Variants in NEDD1 observed in about 807,000 individuals in gnomAD.
NEDD1 encodes the protein protein NEDD1.
NEDD1 carries 33 observed loss-of-function variants against 74.0 expected under a neutral mutation model. The ratio of observed to expected loss-of-function variants is 0.45; its 90% CI spans 0.34 to 0.60. The LOEUF is 0.60. Ranked by LOEUF, NEDD1 falls within the 20% of genes least tolerant of loss-of-function variation. The pLI, the probability that NEDD1 is intolerant of heterozygous loss-of-function variation, is 0.01. For missense variants in NEDD1, 746 were observed against 776.5 expected, an observed-to-expected ratio of 0.96 and a Z score of 0.47; for synonymous variants, 250 against 264.4, an observed-to-expected ratio of 0.95 and a Z score of 0.53.
chr12:96,938,820 TTCTCTC>T (rs917668425), intron 9 of NEDD1, among the ~76,000 whole-genome samples: 1 of 112,062 alleles, frequency 8.9e-6, no homozygotes, highest in Admixed American at 8.8e-5. Flanking sequence ...CTGTCTCTCA[TTCTCTC>T]TCTCTCTCTC....
At position 96,907,272 on chromosome 12, in the gene NEDD1, G is replaced by A. The variant is rs1042826764; in HGVS notation, c.-290G>A. The A allele has an allele frequency of 2.0e-5, 5 of 246,776 alleles. No individual in the cohort carries two copies. The highest frequency in any genetic ancestry group is 1.3e-4 in the South Asian group (1 of 7,810). The allele number at this position is 246,776 out of a possible 1,614,324, so 15.3% of individuals were successfully genotyped here. Reference sequence around the variant, plus strand: ...CCGGAAGCCCAGCGCGGAGCCGGCCGCGGCCCCCTGTTGTGTTGCTGCGGA... The same window carrying A: ...CCGGAAGCCCAGCGCGGAGCCGGCCACGGCCCCCTGTTGTGTTGCTGCGGA... On this transcript the variant is annotated 5_prime_UTR_variant, in exon 1 of 16. Coordinates refer to ENST00000266742, the MANE Select transcript of NEDD1 (RefSeq NM_152905.4).
At chr12:96,931,113 T>A (rs913084533) in intron 6 of NEDD1, among the ~76,000 whole-genome samples, 1 of 152,038 alleles carries the variant, frequency 6.6e-6, no homozygotes, top group East Asian at 1.9e-4. Flanking sequence ...TAGGATGGAG[T>A]CAAAGGAACA....
intron 9 of NEDD1, among the ~76,000 whole-genome samples, chr12:96,939,764 G>A (rs897602143): frequency 2.6e-5 from 4 of 151,930 alleles, no homozygotes; most frequent in Admixed American, 1.3e-4. Context: ...AACTGCTGCC[G>A]TCTCTTTATT....
chr12:96,933,016 T>A (rs909792868), intron 6 of NEDD1, among the ~76,000 whole-genome samples: 7 of 151,136 alleles, frequency 4.6e-5, no homozygotes, highest in Admixed American at 1.3e-4. Context: ...TTTTTTTTTT[T>A]AAATAGTCTG....
intron 6 of NEDD1, among the ~76,000 whole-genome samples, chr12:96,922,941 C>T (rs1300817356): frequency 6.6e-6 from 1 of 152,010 alleles, no homozygotes; most frequent in Non-Finnish European, 1.5e-5. Context: ...GTGGCAAAAC[C>T]TCATCTCTAT....
intron 6 of NEDD1, among the ~76,000 whole-genome samples, chr12:96,932,836 C>A (rs1297519685): frequency 2.0e-5 from 3 of 151,576 alleles, no homozygotes; most frequent in African/African-American, 7.3e-5. Flanking sequence ...GCTATTTAAT[C>A]CTCAAAATAA....
At chr12:96,933,304 T>G (rs1273734704) in intron 6 of NEDD1, among the ~76,000 whole-genome samples, 2 of 152,158 alleles carry the variant, frequency 1.3e-5, no homozygotes, top group African/African-American at 4.8e-5. Flanking sequence ...TAGTCTAAAT[T>G]TAGATCATGT....
rs1329501055 is a variant in NEDD1 at position 96,952,661 on chromosome 12, T to C, written c.*608T>C. 1 of 151,812 alleles carries C rather than the reference T, an allele frequency of 6.6e-6. No individual in the cohort carries two copies. The highest frequency in any genetic ancestry group is 1.5e-5 in the Non-Finnish European group (1 of 67,732). The allele number at this position is 151,812 out of a possible 1,614,324, so 9.4% of individuals were successfully genotyped here. ...ATGATATCTTTTGCATTTATGTTAC[T>C]ATATTGTACTTCTGACAAATCTTTA... On this transcript the variant is annotated 3_prime_UTR_variant, in exon 16 of 16. Coordinates refer to ENST00000266742, the MANE Select transcript of NEDD1 (RefSeq NM_152905.4).
In NEDD1 at chr12:96,942,600, G is replaced by T; in HGVS notation, c.1270G>T (p.Asp424Tyr). 1 of 1,526,164 alleles carries T rather than the reference G, an allele frequency of 6.6e-7. No individual in the cohort carries two copies. The highest frequency in any genetic ancestry group is 1.1e-5 in the South Asian group (1 of 88,428). 94.5% of individuals were successfully genotyped at this position (1,526,164 alleles called of 1,614,324 possible). A position where few individuals can be genotyped will look rare whatever the true frequency, so the allele number is the denominator to read the frequency against. Residue 424 changes from aspartate to tyrosine, a missense_variant, in exon 11 of 16, where the codon GAT (aspartate) becomes TAT (tyrosine). Around this residue, in one of 3 missense-constraint regions of NEDD1, gnomAD observed 706 missense variants for 706.7 expected, o/e 1.00. Coordinates refer to ENST00000266742, the MANE Select transcript of NEDD1 (RefSeq NM_152905.4). ...AGATGCTGTAGTTAACAAGGGAAGT[G>T]ATGAGTCCATAGGCAAAGGAGATGG... ...RDDAVVNKGSDESIGKGDGFD... is the reference protein window; with the variant it reads ...RDDAVVNKGSYESIGKGDGFD...
rs1877130990 is a variant in NEDD1, at chr12:96,936,681, G to A, written c.790G>A (p.Ala264Thr). Residue 264 changes from alanine to threonine, a missense_variant, in exon 8 of 16, where the codon GCT (alanine) becomes ACT (threonine). Ala to Thr is a moderately conservative substitution (Grantham distance 58, BLOSUM62 0). Transcript: ENST00000266742. ...VDFMPDGATLAIGSSRGKIYQ... is the reference protein window; with the variant it reads ...VDFMPDGATLTIGSSRGKIYQ... ...TTTCATGCCTGATGGAGCCACTTTG[G>A]CTATTGGATCTTCCCGGGGGAAAAT... 1 of 1,613,698 alleles carries A rather than the reference G, an allele frequency of 6.2e-7. No individual in the cohort carries two copies. The highest frequency in any genetic ancestry group is 8.5e-7 in the Non-Finnish European group (1 of 1,179,694).
Position 96,943,715 on chromosome 12 carries a change from A to G in NEDD1, c.1450A>G (p.Lys484Glu), listed in dbSNP as rs755297964. The G allele has an allele frequency of 1.2e-4, 201 of 1,612,468 alleles. No individual in the cohort carries two copies. In the South Asian group the frequency reaches 2.0e-3, roughly 16 times the overall value. The stretch of plus-strand genomic sequence containing the variant: ...AAACCGTGATCTAACAGCTGAGTCT[A>G]AGAAAATATATATGGGAAAACAGGA... ...NENRDLTAESKKIYMGKQESK... is the reference protein window; with the variant it reads ...NENRDLTAESEKIYMGKQESK... Residue 484 changes from lysine (K) to glutamate (E), a missense_variant, in exon 12 of 16, where the codon AAG (lysine) becomes GAG (glutamate). Physicochemically the swap from Lys to Glu is moderately conservative, Grantham distance 56. Coordinates refer to ENST00000266742, the MANE Select transcript of NEDD1 (RefSeq NM_152905.4).
At chr12:96,942,708 T>A (rs2066483649) in intron 11 of NEDD1, 84 bp downstream of exon 11, 1 of 734,106 alleles carries the variant, frequency 1.4e-6, no homozygotes, top group African/African-American at 1.8e-5. Flanking sequence ...TCCAACACTT[T>A]GAGGCTTAAA....
intron 3 of NEDD1, among the ~76,000 whole-genome samples, chr12:96,912,259 C>CT (rs879363212): frequency 2.5e-4 from 35 of 142,786 alleles, no homozygotes; most frequent in East Asian, 6.0e-4. Context: ...AATATCAGGC[C>CT]TTTTTTTTTT....
intron 6 of NEDD1, among the ~76,000 whole-genome samples, chr12:96,920,888 A>G (rs1053602960): frequency 7.9e-5 from 12 of 152,164 alleles, no homozygotes; most frequent in African/African-American, 2.9e-4. Flanking sequence ...AGTGCTTAAA[A>G]AATTTAGTGG....
rs553112222 is a variant in NEDD1 at position 96,910,232 on chromosome 12, A to C, written c.136+337A>C. Among the ~76,000 whole-genome samples, 16 of 41,938 alleles carry C rather than the reference A, an allele frequency of 3.8e-4. No homozygotes were observed. In the South Asian group the frequency reaches 0.015, roughly 39 times the overall value. The allele number at this position is 41,938 out of a possible 152,430, so 27.5% of individuals were successfully genotyped here. A position where few individuals can be genotyped will look rare whatever the true frequency, so the allele number is the denominator to read the frequency against. On this transcript the variant is annotated intron_variant, in intron 3 of 15. Transcript: ENST00000266742. ...TGGAATAAGGTTGGTAGTTGTGGAA[A>C]TAATTCCAAAAGGTTTTGGAATGAG...
intron 6 of NEDD1, among the ~76,000 whole-genome samples, chr12:96,923,439 A>G (rs1327929691): frequency 6.6e-6 from 1 of 152,224 alleles, no homozygotes; most frequent in Non-Finnish European, 1.5e-5. Flanking sequence ...AAAATTGCCA[A>G]AACATTTTCT....
At chr12:96,921,221 G>C (rs965204606) in intron 6 of NEDD1, among the ~76,000 whole-genome samples, 2 of 152,130 alleles carry the variant, frequency 1.3e-5, no homozygotes, top group African/African-American at 2.4e-5. Context: ...TCGCTCAGCT[G>C]CCCAGGCTAG....
intron 10 of NEDD1, among the ~76,000 whole-genome samples, chr12:96,942,087 A>G (rs1877717475): frequency 1.3e-5 from 2 of 152,184 alleles, no homozygotes; most frequent in South Asian, 4.1e-4. Context: ...TACATATTCT[A>G]CCATGGAAAT....
chr12:96,929,153 C>CT (rs1241580289), intron 6 of NEDD1, among the ~76,000 whole-genome samples: 1 of 151,154 alleles, frequency 6.6e-6, no homozygotes, highest in Non-Finnish European at 1.5e-5. Context: ...TGTTTTTAAA[C>CT]TTTTTTGTTA....
Sources: gnomAD v4.1 joint callset for allele counts (sites outside exome capture counted in the v4.1 genomes callset) on GRCh38, gnomAD v4.1.1 for gene constraint, gnomAD v4.1.1 regional missense constraint, MANE v1.5 for transcripts, NCBI Gene and HGNC (gene_info 2026-07-23, HGNC 2026-07-21) for gene names.